Variants in SLC23A2 observed in about 807,000 individuals in gnomAD.
SLC23A2 encodes the protein solute carrier family 23 member 2.
Under a neutral mutation model 73.3 loss-of-function variants are expected in SLC23A2, and 36 were observed. The ratio of observed to expected loss-of-function variants is 0.49; its 90% CI spans 0.38 to 0.65. The LOEUF (loss-of-function observed/expected upper bound fraction) is 0.65, where lower values mean the gene tolerates loss of function less well. Ranked by LOEUF, SLC23A2 falls within the 30% of genes least tolerant of loss-of-function variation. The pLI, the probability that SLC23A2 is intolerant of heterozygous loss-of-function variation, is 0.00. For missense variants in SLC23A2, 507 were observed against 841.6 expected, an observed-to-expected ratio of 0.60 and a Z score of 4.92; for synonymous variants, 343 against 327.3, an observed-to-expected ratio of 1.05 and a Z score of -0.52.
upstream of SLC23A2, among the ~76,000 whole-genome samples, chr20:5,002,791 G>A (rs2088145116): frequency 6.6e-6 from 1 of 152,124 alleles, no homozygotes; most frequent in South Asian, 2.1e-4. Context: ...GAGTGCAACG[G>A]CACAATTAAG....
At chr20:5,001,724 GA>G (rs1568664702), upstream of SLC23A2, among the ~76,000 whole-genome samples, 2 of 151,610 alleles carry the variant, frequency 1.3e-5, no homozygotes, top group Non-Finnish European at 2.9e-5. Context: ...CCCCTGCGCA[GA>G]AAGATCGCCC....
chr20:4,888,846 C>T (rs1931205066), intron 6 of SLC23A2, among the ~76,000 whole-genome samples: 1 of 152,198 alleles, frequency 6.6e-6, no homozygotes, highest in African/African-American at 2.4e-5. Flanking sequence ...GAAGCTGCTT[C>T]AGGATTCTCT....
At position 4,903,980 on chromosome 20, in the gene SLC23A2, T is replaced by C. The variant is rs187293326; in HGVS notation, c.208-1422A>G. On this transcript the variant is annotated intron_variant, in intron 4 of 16. Coordinates refer to ENST00000338244, the MANE Select transcript of SLC23A2 (RefSeq NM_005116.6). ...GGTACGTGGGGGATAACCTGAGCTC[T>C]TGGGGTTTCTGCCTCTTAAACATGT... 2.6e-5 allele frequency among the ~76,000 whole-genome samples: 4 copies of C among 152,292 alleles called. No homozygotes were observed. In the East Asian group the frequency reaches 7.7e-4, roughly 29 times the overall value.
intron 4 of SLC23A2, among the ~76,000 whole-genome samples, chr20:4,906,128 A>G (rs772740229): frequency 6.6e-6 from 1 of 152,214 alleles, no homozygotes; most frequent in Non-Finnish European, 1.5e-5. Context: ...GCTTGAGCTC[A>G]GGAGTTCGAG....
chr20:5,003,678 C>T (rs1411966075), upstream of SLC23A2, among the ~76,000 whole-genome samples: 2 of 152,016 alleles, frequency 1.3e-5, no homozygotes, highest in Non-Finnish European at 2.9e-5. Flanking sequence ...CTCCCTCTCC[C>T]TCTCTAGGCA....
intron 9 of SLC23A2, among the ~76,000 whole-genome samples, chr20:4,881,415 G>A (rs1396435207): frequency 6.6e-6 from 1 of 152,178 alleles, no homozygotes; most frequent in African/African-American, 2.4e-5. Flanking sequence ...AGATAAGAGT[G>A]AGGAGGAGTC....
upstream of SLC23A2, among the ~76,000 whole-genome samples, chr20:5,003,355 G>T (rs2088154240): frequency 6.6e-6 from 1 of 152,098 alleles, no homozygotes; most frequent in Non-Finnish European, 1.5e-5. Context: ...CCGCACTCCA[G>T]CCTGGGCGAC....
At chr20:4,875,644 T>C (rs1930624736) in intron 9 of SLC23A2, among the ~76,000 whole-genome samples, 1 of 152,206 alleles carries the variant, frequency 6.6e-6, no homozygotes, top group East Asian at 1.9e-4. Flanking sequence ...TGGCACTTCC[T>C]GACACACCAG....
In SLC23A2 at chr20:4,859,428, G is replaced by A. The variant is rs770937765; in HGVS notation, c.1625-44C>T. ...CATAAACGATCAGTGCCACAGCAGCGGTGAGCCTGCCCTTGACTTGGGAAG... is the reference window on the plus strand; with the variant it reads ...CATAAACGATCAGTGCCACAGCAGCAGTGAGCCTGCCCTTGACTTGGGAAG... On this transcript the variant is annotated intron_variant, in intron 15 of 16. Transcript: ENST00000338244. The A allele has an allele frequency of 3.2e-5, 42 of 1,314,146 alleles. No homozygotes were observed. The East Asian group carries it at 3.7e-4, about 12-fold the overall frequency. 81.4% of individuals were successfully genotyped at this position (1,314,146 alleles called of 1,614,324 possible).
At chr20:4,978,166 C>A (rs1026239409) in intron 1 of SLC23A2, among the ~76,000 whole-genome samples, 1 of 152,032 alleles carries the variant, frequency 6.6e-6, no homozygotes, top group East Asian at 1.9e-4. Context: ...AGGAGTAATG[C>A]CCCGATTTAC....
intron 6 of SLC23A2, among the ~76,000 whole-genome samples, chr20:4,897,841 C>T (rs1022167486): frequency 1.3e-5 from 2 of 152,220 alleles, no homozygotes; most frequent in African/African-American, 4.8e-5. Flanking sequence ...ATAAACACAG[C>T]TTTCATCCCC....
chr20:4,902,429 G>A lies in SLC23A2; in HGVS notation c.324+13C>T, dbSNP rs749618284. The A allele has an allele frequency of 2.1e-6, 3 of 1,410,542 alleles. No individual in the cohort carries two copies. Among genetic ancestry groups the A allele is most frequent in the East Asian group, 4.6e-5 (2 of 43,340 alleles). 87.4% of individuals were successfully genotyped at this position (1,410,542 alleles called of 1,614,324 possible). On this transcript the variant is annotated intron_variant, in intron 5 of 16. Transcript: ENST00000338244. The surrounding 1 kb of genome is among the most constrained non-coding windows in gnomAD (Gnocchi z 4.0). Reference sequence around the variant, plus strand: ...CCTGCTGGTAGTTACACATCCTACAGGAACCATCTTACCTGTAGCCCCAGA... The same window carrying A: ...CCTGCTGGTAGTTACACATCCTACAAGAACCATCTTACCTGTAGCCCCAGA...
intron 1 of SLC23A2, among the ~76,000 whole-genome samples, chr20:4,986,382 C>T (rs2087826881): frequency 6.6e-6 from 1 of 152,058 alleles, no homozygotes; most frequent in African/African-American, 2.4e-5. Context: ...GGCACGATCT[C>T]GGCTCACTAC....
chr20:4,996,948 T>C (rs1183026543), intron 1 of SLC23A2, among the ~76,000 whole-genome samples: 1 of 152,162 alleles, frequency 6.6e-6, no homozygotes, highest in Non-Finnish European at 1.5e-5. Context: ...TTCTGCTGCA[T>C]TTGGGTATGC....
intron 2 of SLC23A2, among the ~76,000 whole-genome samples, chr20:4,968,116 C>T (rs754928662): frequency 7.2e-5 from 11 of 152,112 alleles, no homozygotes; most frequent in Non-Finnish European, 1.3e-4. Context: ...TTGTACAGTC[C>T]GGACACCTAG....
rs201901483 is a variant in SLC23A2 at position 4,915,353 on chromosome 20, T to TA, written c.109-2376dup. On this transcript the variant is annotated intron_variant, in intron 3 of 16. Coordinates refer to ENST00000338244, the MANE Select transcript of SLC23A2 (RefSeq NM_005116.6). ...ACTGCTTTTTTAAAAATGGATAATT[T>TA]AAAAAAAAAGACATACTCCAAAATG... Among the ~76,000 whole-genome samples, 52 of 151,624 alleles carry TA rather than the reference T, an allele frequency of 3.4e-4. No homozygotes were observed. In the East Asian group the frequency reaches 6.0e-3, roughly 17 times the overall value.
chr20:4,860,374 C>T (rs117359049), intron 15 of SLC23A2, among the ~76,000 whole-genome samples: 11 of 152,286 alleles, frequency 7.2e-5, no homozygotes, highest in Non-Finnish European at 8.8e-5. Context: ...GTCCTTTTTG[C>T]GGACTATGTA....
At chr20:5,003,624 T>A (rs1010781905), upstream of SLC23A2, among the ~76,000 whole-genome samples, 1 of 151,760 alleles carries the variant, frequency 6.6e-6, no homozygotes, top group Non-Finnish European at 1.5e-5. Flanking sequence ...TTTAAGTCTA[T>A]CCCCTCCCCA....
Position 4,872,520 on chromosome 20 carries a change from C to A in SLC23A2, c.1102+1416G>T, listed in dbSNP as rs1930489518. The stretch of plus-strand genomic sequence containing the variant: ...CAGCTTGTGCCCCTACTGGCGCCCA[C>A]CTTGGGAGTTGCCTGCACAAGCAGA... On this transcript the variant is annotated intron_variant, in intron 11 of 16. Coordinates refer to ENST00000338244, the MANE Select transcript of SLC23A2 (RefSeq NM_005116.6). The surrounding 1 kb of genome is among the most constrained non-coding windows in gnomAD (Gnocchi z 4.4). 6.6e-6 allele frequency among the ~76,000 whole-genome samples: 1 copy of A among 152,116 alleles called. No homozygotes were observed. Among genetic ancestry groups the A allele is most frequent in the Admixed American group, 6.5e-5 (1 of 15,276 alleles).
Sources: allele counts gnomAD v4.1 joint callset (sites outside exome capture counted in the v4.1 genomes callset), GRCh38; gene constraint gnomAD v4.1.1; non-coding constraint Gnocchi (gnomAD v3.1); transcripts MANE v1.5; gene names NCBI Gene and HGNC (gene_info 2026-07-23, HGNC 2026-07-21).